LHFPL4: variants seen among roughly 807,000 people sequenced by gnomAD.
LHFPL4 encodes the protein LHFPL tetraspan subfamily member 4 protein.
LHFPL4 carries 6 observed loss-of-function variants against 20.0 expected under a neutral mutation model. The ratio of observed to expected loss-of-function variants is 0.30; its 90% confidence interval spans 0.16 to 0.59. LHFPL4 has a LOEUF of 0.59. LHFPL4 is among the 20% of genes least tolerant of loss of function. The probability of loss-of-function intolerance (pLI) is 0.88; values close to 1 mark genes in which losing one functional copy is unlikely to be tolerated. For missense variants in LHFPL4, 215 were observed against 331.2 expected (o/e 0.65, Z 2.72); for synonymous variants, 129 against 143.8 (o/e 0.90, Z 0.74).
At chr3:9,545,094 A>T (rs772543929) in intron 2 of LHFPL4, among the ~76,000 whole-genome samples, 1 of 152,002 alleles carries the variant, frequency 6.6e-6, no homozygotes, top group Non-Finnish European at 1.5e-5. Context: ...GGTTGATGTG[A>T]GAAACACAAG....
rs1553647633 is a variant in LHFPL4, at chr3:9,523,985, C to CCA, written c.407-17783_407-17782insTG. ...GTACACAATTCTAGGCTAGTATTTC[C>CCA]CCCCCCCCCAACACTTTAAATATTT... On this transcript the variant is annotated intron_variant, in intron 2 of 3. Coordinates refer to ENST00000287585, the MANE Select transcript of LHFPL4 (RefSeq NM_198560.3). 6.3e-5 allele frequency among the ~76,000 whole-genome samples: 6 copies of CCA among 95,556 alleles called. No homozygotes were observed. The Admixed American group carries it at 6.7e-4, about 11-fold the overall frequency. The allele number at this position is 95,556 out of a possible 152,430, so 62.7% of individuals were successfully genotyped here.
intron 2 of LHFPL4, among the ~76,000 whole-genome samples, chr3:9,514,346 CT>C (rs1283916032): frequency 6.6e-6 from 1 of 152,072 alleles, no homozygotes; most frequent in Non-Finnish European, 1.5e-5. Context: ...TTTAAATAGG[CT>C]TTTTTTAAGA....
At chr3:9,523,179 G>T (rs1178120710) in intron 2 of LHFPL4, among the ~76,000 whole-genome samples, 1 of 151,546 alleles carries the variant, frequency 6.6e-6, no homozygotes, top group East Asian at 2.0e-4. Context: ...AGCACTTTGG[G>T]AGGCTGAGGC....
At chr3:9,553,091 G>C (rs752136865) in intron 1 of LHFPL4, among the ~76,000 whole-genome samples, 9 of 151,794 alleles carry the variant, frequency 5.9e-5, no homozygotes, top group Non-Finnish European at 1.0e-4. Flanking sequence ...ATGGAGGCTG[G>C]AGACTGGTGT....
intron 3 of LHFPL4, 31 bp downstream of exon 3, chr3:9,505,936 G>A (rs746568951): frequency 1.2e-5 from 19 of 1,591,900 alleles, no homozygotes; most frequent in South Asian, 6.6e-5. Context: ...CCTGGCTCCC[G>A]CCGCTGCCCC....
At chr3:9,533,718 C>A (rs1264952146) in intron 2 of LHFPL4, among the ~76,000 whole-genome samples, 1 of 152,020 alleles carries the variant, frequency 6.6e-6, no homozygotes, top group Non-Finnish European at 1.5e-5. Flanking sequence ...GGAAGCGGAG[C>A]TTGCAGTGAG....
At chr3:9,539,475 A>T (rs905506895) in intron 2 of LHFPL4, among the ~76,000 whole-genome samples, 3 of 140,822 alleles carry the variant, frequency 2.1e-5, no homozygotes, top group African/African-American at 8.0e-5. Flanking sequence ...AAAAAAAAGG[A>T]ATAGTTCAAC....
intron 2 of LHFPL4, among the ~76,000 whole-genome samples, chr3:9,508,121 G>A (rs949739194): frequency 5.3e-5 from 8 of 152,212 alleles, no homozygotes; most frequent in South Asian, 2.1e-4. Context: ...TCCCCAGGGT[G>A]GGAAGGGGCC....
chr3:9,552,756 G>A lies in LHFPL4; in HGVS notation c.-77C>T. On this transcript the variant is annotated 5_prime_UTR_variant, in exon 2 of 4. Coordinates refer to ENST00000287585, the MANE Select transcript of LHFPL4 (RefSeq NM_198560.3). ...CCGGGACGGAGCGCCGGGCTGCCGG[G>A]CGGGAGCTGGGGACGCACGCGAGAA... The A allele has an allele frequency of 1.1e-6, 1 of 910,776 alleles. No homozygotes were observed. The highest frequency in any genetic ancestry group is 1.4e-6 in the Non-Finnish European group (1 of 735,560). 56.4% of individuals were successfully genotyped at this position (910,776 alleles called of 1,614,324 possible).
At chr3:9,545,485 G>A (rs1395278671) in intron 2 of LHFPL4, among the ~76,000 whole-genome samples, 1 of 152,118 alleles carries the variant, frequency 6.6e-6, no homozygotes, top group Non-Finnish European at 1.5e-5. Context: ...TGAACAGTCT[G>A]GGAAACATAG....
intron 2 of LHFPL4, among the ~76,000 whole-genome samples, chr3:9,537,410 G>A (rs2046450494): frequency 6.6e-6 from 1 of 152,182 alleles, no homozygotes; most frequent in Admixed American, 6.5e-5. Flanking sequence ...CAGATGACTT[G>A]TGGAGAGATG....
At chr3:9,523,759 T>G (rs1324351679) in intron 2 of LHFPL4, among the ~76,000 whole-genome samples, 2 of 152,150 alleles carry the variant, frequency 1.3e-5, no homozygotes, top group Admixed American at 1.3e-4. Context: ...TTATTTTACC[T>G]TAACTTATTC....
chr3:9,535,295 T>C (rs2046438281), intron 2 of LHFPL4, among the ~76,000 whole-genome samples: 1 of 152,232 alleles, frequency 6.6e-6, no homozygotes, highest in South Asian at 2.1e-4. Context: ...TCATTTAATC[T>C]CTACAACTCT....
At position 9,501,886 on chromosome 3, in the gene LHFPL4, C is replaced by T. The variant is rs1177799426; in HGVS notation, c.*325G>A. ...GGGGCCTGGGGAGCTGGAACTACAG[C>T]TCCGCTCTCCCTGGGGATCTGCAGG... On this transcript the variant is annotated 3_prime_UTR_variant, in exon 4 of 4. Coordinates refer to ENST00000287585, the MANE Select transcript of LHFPL4 (RefSeq NM_198560.3). 1 of 293,986 alleles carries T rather than the reference C, an allele frequency of 3.4e-6. No individual in the cohort carries two copies. The highest frequency in any genetic ancestry group is 6.4e-6 in the Non-Finnish European group (1 of 157,162). The allele number at this position is 293,986 out of a possible 1,614,324, so 18.2% of individuals were successfully genotyped here.
intron 2 of LHFPL4, among the ~76,000 whole-genome samples, chr3:9,529,277 T>G (rs2046394805): frequency 6.6e-6 from 1 of 152,148 alleles, no homozygotes; most frequent in Non-Finnish European, 1.5e-5. Flanking sequence ...TCCACCCACC[T>G]TGGCCTCCCA....
intron 2 of LHFPL4, among the ~76,000 whole-genome samples, chr3:9,517,416 T>C (rs1275254973): frequency 2.0e-5 from 3 of 152,098 alleles, no homozygotes; most frequent in Non-Finnish European, 2.9e-5. Context: ...TTCATATAAA[T>C]CTTGTAAATA....
At chr3:9,550,233 G>C (rs1458583720) in intron 2 of LHFPL4, among the ~76,000 whole-genome samples, 1 of 152,216 alleles carries the variant, frequency 6.6e-6, no homozygotes, top group Non-Finnish European at 1.5e-5. Flanking sequence ...AAGTGAATCA[G>C]TCACTCACCC....
At chr3:9,545,435 T>C (rs994469253) in intron 2 of LHFPL4, among the ~76,000 whole-genome samples, 1 of 152,106 alleles carries the variant, frequency 6.6e-6, no homozygotes, top group Non-Finnish European at 1.5e-5. Flanking sequence ...TTCCAGCACT[T>C]TGGGAGGCCA....
intron 2 of LHFPL4, among the ~76,000 whole-genome samples, chr3:9,531,781 C>T (rs1021439087): frequency 6.7e-6 from 1 of 149,346 alleles, no homozygotes; most frequent in African/African-American, 2.5e-5. Flanking sequence ...GCCTGGGTAA[C>T]AGAGCGAGAC....
Sources: allele counts gnomAD v4.1 joint callset (sites outside exome capture counted in the v4.1 genomes callset), GRCh38; gene constraint gnomAD v4.1.1; transcripts MANE v1.5; gene names NCBI Gene and HGNC (gene_info 2026-07-23, HGNC 2026-07-21).